The following CRK variants were observed in gnomAD, a reference collection of about 807,000 sequenced individuals.
CRK encodes the protein adapter molecule crk.
CRK carries 4 observed loss-of-function variants against 29.8 expected under a neutral mutation model. The ratio of observed to expected loss-of-function variants is 0.13; its 90% CI spans 0.07 to 0.31. The LOEUF is 0.31. Among genes scored for constraint, CRK ranks in the 10% least tolerant of loss-of-function variants. The probability of loss-of-function intolerance (pLI) is 1.00; values close to 1 mark genes in which losing one functional copy is unlikely to be tolerated. For missense variants in CRK, 274 were observed against 396.5 expected, an observed-to-expected ratio of 0.69 and a Z score of 2.62; for synonymous variants, 153 against 164.9, an observed-to-expected ratio of 0.93 and a Z score of 0.55.
chr17:1,440,057 TG>T (rs1315322761), intron 1 of CRK, among the ~76,000 whole-genome samples: 1 of 151,160 alleles, frequency 6.6e-6, no homozygotes, highest in African/African-American at 2.4e-5. Context: ...CCCAGCACTT[TG>T]GGAGGCTGAG....
In CRK at chr17:1,420,820, A is replaced by G. The variant is rs2073716790; in HGVS notation, c.*2693T>C. The G allele has an allele frequency of 6.6e-6, 1 of 152,194 alleles. No individual in the cohort carries two copies. Among genetic ancestry groups the G allele is most frequent in the African/African-American group, 2.4e-5 (1 of 41,450 alleles). 9.4% of individuals were successfully genotyped at this position (152,194 alleles called of 1,614,324 possible). A position where few individuals can be genotyped will look rare whatever the true frequency, so the allele number is the denominator to read the frequency against. On this transcript the variant is annotated 3_prime_UTR_variant, in exon 3 of 3. Coordinates refer to ENST00000300574, the MANE Select transcript of CRK (RefSeq NM_016823.4). ...AAATTTAACTGTCAAGAAAGTGTATAGTGTTATAATACAATGGCACATGTT... is the reference window on the plus strand; with the variant it reads ...AAATTTAACTGTCAAGAAAGTGTATGGTGTTATAATACAATGGCACATGTT...
chr17:1,422,687 T>C lies in CRK; in HGVS notation c.*826A>G, dbSNP rs1034740012. The C allele has an allele frequency of 2.6e-5, 9 of 352,054 alleles. No homozygotes were observed. The highest frequency in any genetic ancestry group is 1.9e-4 in the African/African-American group (9 of 47,640). 21.8% of individuals were successfully genotyped at this position (352,054 alleles called of 1,614,324 possible). On this transcript the variant is annotated 3_prime_UTR_variant, in exon 3 of 3. Coordinates refer to ENST00000300574, the MANE Select transcript of CRK (RefSeq NM_016823.4). ...GAGAAATGGCCCTGCTGGATCCCAT[T>C]AGTTAGGACTCTAGTTAGCTGCTGT... is the stretch of plus-strand genomic sequence containing the variant.
At position 1,443,943 on chromosome 17, in the gene CRK, G is replaced by A. The variant is rs531154382; in HGVS notation, c.242-6788C>T. Among the ~76,000 whole-genome samples the A allele has an allele frequency of 6.5e-3, 943 of 145,430 alleles. 5 individuals are homozygous for A. The highest frequency in any genetic ancestry group is 0.011 in the Non-Finnish European group (754 of 66,202). The stretch of plus-strand genomic sequence containing the variant: ...TCTTGAACTCCTGACCTTGTGATCC[G>A]CCCGCCTCGGCCTCCCAAAGTGCTG... On this transcript the variant is annotated intron_variant, in intron 1 of 2. Coordinates refer to ENST00000300574, the MANE Select transcript of CRK (RefSeq NM_016823.4).
intron 1 of CRK, among the ~76,000 whole-genome samples, chr17:1,440,390 G>A (rs2073925265): frequency 6.6e-6 from 1 of 151,938 alleles, no homozygotes; most frequent in Non-Finnish European, 1.5e-5. Flanking sequence ...TTGAGCCTAG[G>A]AGTTTGTGAG....
chr17:1,442,016 TG>T (rs761370965), intron 1 of CRK, among the ~76,000 whole-genome samples: 148,351 of 151,922 alleles, frequency 0.98, 72,456 homozygotes, highest in East Asian at 1. Context: ...CTACCATGCC[TG>T]TATTTTTTTT....
intron 1 of CRK, among the ~76,000 whole-genome samples, chr17:1,443,369 A>C (rs12938903): frequency 0.56 from 84,734 of 151,642 alleles, 24,131 homozygotes; most frequent in South Asian, 0.64. Flanking sequence ...CCACCAACAC[A>C]CAGCTAATTT....
chr17:1,432,344 C>G (rs1276813239), intron 2 of CRK, among the ~76,000 whole-genome samples: 1 of 151,694 alleles, frequency 6.6e-6, no homozygotes, highest in East Asian at 1.9e-4. Flanking sequence ...AAAAAATTAG[C>G]CAGGCGTGGT....
rs367816233 is a variant in CRK at position 1,455,956 on chromosome 17, G to A, written c.162C>T (p.Asn54=). 115 of 1,602,728 alleles carry A rather than the reference G, an allele frequency of 7.2e-5. No homozygotes were observed. The highest frequency in any genetic ancestry group is 9.2e-5 in the Non-Finnish European group (108 of 1,175,940). The change falls in exon 1 of 3, where the codon AAC becomes AAT. Residue 54 remains asparagine (N), a synonymous_variant. Transcript: ENST00000300574. ...TGATGATGTAGTGGGAGACGCGCGAGTTCTCTGAGACGCTGAGCACATAGT... is the reference window on the plus strand; with the variant it reads ...TGATGATGTAGTGGGAGACGCGCGAATTCTCTGAGACGCTGAGCACATAGT... ...PGDYVLSVSE[N]SRVSHYIINS... is the part of the protein sequence containing the mutation.
At position 1,423,453 on chromosome 17, in the gene CRK, G is replaced by T; in HGVS notation, c.*60C>A. 6.4e-7 allele frequency: 1 copy of T among 1,553,366 alleles called. No homozygotes were observed. Among genetic ancestry groups the T allele is most frequent in the Non-Finnish European group, 8.7e-7 (1 of 1,145,762 alleles). ...CATCTGTAAGAAAATTGTATAGATG[G>T]CAGTTGGAAAAAAAAAAAAAAGATT... On this transcript the variant is annotated 3_prime_UTR_variant, in exon 3 of 3. Transcript: ENST00000300574.
chr17:1,448,356 G>A (rs535904587), intron 1 of CRK, among the ~76,000 whole-genome samples: 1 of 152,132 alleles, frequency 6.6e-6, no homozygotes, highest in African/African-American at 2.4e-5. Context: ...TGGGCGTGGG[G>A]GTTCACGCCT....
At chr17:1,448,017 TA>T (rs1326495670) in intron 1 of CRK, among the ~76,000 whole-genome samples, 2 of 151,880 alleles carry the variant, frequency 1.3e-5, no homozygotes, top group Non-Finnish European at 2.9e-5. Context: ...TACAAAACGC[TA>T]AAAAGGCCAC....
rs1598301511 is a variant in CRK at position 1,442,532 on chromosome 17, T to C, written c.242-5377A>G. On this transcript the variant is annotated intron_variant, in intron 1 of 2. Transcript: ENST00000300574. The stretch of plus-strand genomic sequence containing the variant: ...CAGCCTATTATTAATTTTAATTATA[T>C]GTGAGCCACTGCATCCAGCCATTAT... Among the ~76,000 whole-genome samples, 3 of 152,054 alleles carry C rather than the reference T, an allele frequency of 2.0e-5. No homozygotes were observed. The East Asian group carries it at 5.8e-4, about 29-fold the overall frequency.
intron 2 of CRK, among the ~76,000 whole-genome samples, chr17:1,432,504 G>A (rs544893192): frequency 8.2e-5 from 12 of 146,408 alleles, no homozygotes; most frequent in African/African-American, 2.8e-4. Context: ...AAGGCCAGGC[G>A]CGGTGGCTCA....
At chr17:1,452,877 T>C (rs1247349462) in intron 1 of CRK, among the ~76,000 whole-genome samples, 1 of 150,766 alleles carries the variant, frequency 6.6e-6, no homozygotes, top group Non-Finnish European at 1.5e-5. Context: ...GCCTGAAGCA[T>C]GAAGTCTATT....
At chr17:1,430,270 C>T (rs1163487275) in intron 2 of CRK, among the ~76,000 whole-genome samples, 1 of 151,848 alleles carries the variant, frequency 6.6e-6, no homozygotes, top group African/African-American at 2.4e-5. Context: ...TCTCGAATTC[C>T]TGACCTCAGG....
At chr17:1,434,812 C>CA (rs1222641177) in intron 2 of CRK, among the ~76,000 whole-genome samples, 3 of 123,456 alleles carry the variant, frequency 2.4e-5, no homozygotes, top group Non-Finnish European at 5.3e-5. Flanking sequence ...AAAAAAAATC[C>CA]AAAAAAACCC....
intron 1 of CRK, among the ~76,000 whole-genome samples, chr17:1,440,994 G>C (rs1287939213): frequency 2.6e-5 from 4 of 152,228 alleles, no homozygotes; most frequent in Non-Finnish European, 5.9e-5. Context: ...CCAGGCGGGA[G>C]TGCAGACCTC....
intron 2 of CRK, among the ~76,000 whole-genome samples, chr17:1,429,619 G>T (rs775845222): frequency 9.7e-6 from 1 of 103,578 alleles, no homozygotes; most frequent in Non-Finnish European, 2.0e-5. Context: ...GTGAAACTCT[G>T]TCTCTCTTAA....
intron 1 of CRK, among the ~76,000 whole-genome samples, chr17:1,439,657 C>T (rs1444301831): frequency 1.3e-5 from 2 of 151,546 alleles, no homozygotes; most frequent in African/African-American, 4.9e-5. Context: ...AAGACCAACC[C>T]GGGCAACATG....
Sources: allele counts gnomAD v4.1 joint callset (sites outside exome capture counted in the v4.1 genomes callset), GRCh38; gene constraint gnomAD v4.1.1; transcripts MANE v1.5; gene names NCBI Gene and HGNC (gene_info 2026-07-23, HGNC 2026-07-21).